The following MUC4 variants were observed in gnomAD, a reference collection of about 807,000 sequenced individuals.
The protein encoded by MUC4 is mucin 4, cell surface associated.
Under a neutral mutation model 257.9 loss-of-function variants are expected in MUC4, and 202 were observed. The ratio of observed to expected loss-of-function variants is 0.78; its 90% confidence interval spans 0.70 to 0.88. MUC4 has a LOEUF of 0.88. Among genes scored for constraint, MUC4 ranks in the 40% least tolerant of loss-of-function variants. The probability of loss-of-function intolerance (pLI) is 0.00; values close to 1 mark genes in which losing one functional copy is unlikely to be tolerated. For missense variants in MUC4, 5,976 were observed against 6,513.7 expected, an observed-to-expected ratio of 0.92 and a Z score of 2.84; for synonymous variants, 2,351 against 2,757.1, an observed-to-expected ratio of 0.85 and a Z score of 4.62.
At chr3:195,762,063 G>A in intron 14 of MUC4, 24 bp downstream of exon 14, 1 of 1,569,392 alleles carries the variant, frequency 6.4e-7, no homozygotes, top group Non-Finnish European at 8.6e-7. Context: ...CGGAGCCTCA[G>A]AGGCAGGTCC....
Position 195,788,875 on chromosome 3 carries a change from G to C in MUC4, c.2705C>G (p.Ala902Gly). 1 of 1,613,852 alleles carries C rather than the reference G, an allele frequency of 6.2e-7. No individual in the cohort carries two copies. Among genetic ancestry groups the C allele is most frequent in the Non-Finnish European group, 8.5e-7 (1 of 1,179,834 alleles). The change falls in exon 2 of 25, where the codon GCC (alanine) becomes GGC (glycine). Residue 902 changes from alanine (A) to glycine (G), a missense_variant. Transcript: ENST00000463781. ...AGTCTGGGCCATCCGGGAAATGGCGGCTGTCTCCTGAGGAGAGGCACTGGG... is the reference window on the plus strand; with the variant it reads ...AGTCTGGGCCATCCGGGAAATGGCGCCTGTCTCCTGAGGAGAGGCACTGGG... ...TSPSASPQET[A>G]AISRMAQTQR...
chr3:195,768,883 A>C, intron 7 of MUC4, 139 bp downstream of exon 7: 2 of 1,125,130 alleles, frequency 1.8e-6, no homozygotes, highest in East Asian at 5.3e-5. Flanking sequence ...CCCCAGCGGG[A>C]GCTGGAGTCA....
At chr3:195,768,379 C>A (rs1296768195) in intron 7 of MUC4, among the ~76,000 whole-genome samples, 1 of 152,232 alleles carries the variant, frequency 6.6e-6, no homozygotes, top group East Asian at 1.9e-4. Flanking sequence ...GAGACAGCCT[C>A]CCACACACGG....
At position 195,746,882 on chromosome 3, in the gene MUC4, A is replaced by C; in HGVS notation, c.*294T>G. 1 of 444,852 alleles carries C rather than the reference A, an allele frequency of 2.2e-6. No individual in the cohort carries two copies. Among genetic ancestry groups the C allele is most frequent in the Non-Finnish European group, 3.9e-6 (1 of 253,484 alleles). The allele number at this position is 444,852 out of a possible 1,614,324, so 27.6% of individuals were successfully genotyped here. On this transcript the variant is annotated 3_prime_UTR_variant, in exon 25 of 25. Coordinates refer to ENST00000463781, the MANE Select transcript of MUC4 (RefSeq NM_018406.7). ...ACTTAGGGCCATCACCACATTATGA[A>C]CTCGTGTGTGTGTGTGTGTGTGTGC... is the stretch of plus-strand genomic sequence containing the variant.
chr3:195,754,853 C>T (rs1374790939), intron 18 of MUC4, among the ~76,000 whole-genome samples: 1 of 150,436 alleles, frequency 6.6e-6, no homozygotes, highest in Non-Finnish European at 1.5e-5. Flanking sequence ...ATGTATGTAT[C>T]CATGTAGATA....
In MUC4 at chr3:195,778,291, G is replaced by A. The variant is rs199497021; in HGVS notation, c.12943+12C>T. On this transcript the variant is annotated intron_variant, in intron 3 of 24. Transcript: ENST00000463781. The stretch of plus-strand genomic sequence containing the variant: ...CCCTCAAAAGGCACAGGCCTCACCT[G>A]TATGGCCTCACCTCTCTCAGGCAGG... The A allele has an allele frequency of 9.7e-4, 1,562 of 1,605,002 alleles. 1 individual carries two copies. The highest frequency in any genetic ancestry group is 1.2e-3 in the Non-Finnish European group (1,425 of 1,176,566).
chr3:195,760,930 G>A lies in MUC4; in HGVS notation c.14802C>T (p.His4934=), dbSNP rs190375384. 6.2e-7 allele frequency: 1 copy of A among 1,614,232 alleles called. No homozygotes were observed. The highest frequency in any genetic ancestry group is 1.1e-5 in the South Asian group (1 of 91,090). ...LALRNASIGL[H]TREVSKNYEQ... is the part of the protein sequence containing the mutation. Reference sequence around the variant, plus strand: ...CGTAGTTTTTACTGACTTCCCTCGTGTGAAGTCCGATGCTTGCGTTGCGCA... The same window carrying A: ...CGTAGTTTTTACTGACTTCCCTCGTATGAAGTCCGATGCTTGCGTTGCGCA... Residue 4934 remains histidine (H), a synonymous_variant, in exon 16 of 25, where the codon CAC becomes CAT. Coordinates refer to ENST00000463781, the MANE Select transcript of MUC4 (RefSeq NM_018406.7).
At chr3:195,766,208 ACCT>A (rs1180457886) in intron 8 of MUC4, among the ~76,000 whole-genome samples, 1 of 152,004 alleles carries the variant, frequency 6.6e-6, no homozygotes, top group Non-Finnish European at 1.5e-5. Context: ...TGATCCGCCC[ACCT>A]CAGCCTCCCA....
chr3:195,762,953 G>A lies in MUC4; in HGVS notation c.14254-8C>T. On this transcript the variant is annotated splice_region_variant and splice_polypyrimidine_tract_variant and intron_variant, in intron 12 of 24. Transcript: ENST00000463781. ...CTCAAGGAGCCATTGGACCTGGAAG[G>A]AGATGGGAGGGGGCCTGAGCCCGAC... 1 of 1,548,574 alleles carries A rather than the reference G, an allele frequency of 6.5e-7. No individual in the cohort carries two copies.
intron 12 of MUC4, 145 bp downstream of exon 12, chr3:195,763,288 G>C (rs549358614): frequency 1.2e-5 from 10 of 850,686 alleles, no homozygotes; most frequent in South Asian, 9.8e-5. Flanking sequence ...GATTTACTCC[G>C]GGACAGCTGC....
chr3:195,775,468 A>G lies in MUC4; in HGVS notation c.12944-1163T>C, dbSNP rs868493735. Among the ~76,000 whole-genome samples the G allele has an allele frequency of 2.6e-3, 132 of 49,832 alleles. 4 individuals carry two copies. The highest frequency in any genetic ancestry group is 0.015 in the African/African-American group (94 of 6,472). 32.7% of individuals were successfully genotyped at this position (49,832 alleles called of 152,430 possible). A position where few individuals can be genotyped will look rare whatever the true frequency, so the allele number is the denominator to read the frequency against. On this transcript the variant is annotated intron_variant, in intron 3 of 24. Transcript: ENST00000463781. The stretch of plus-strand genomic sequence containing the variant: ...TACCTTCCACACCCATACCTTCCAC[A>G]GTCATACCTTCCACACCCATACCTT...
Position 195,766,728 on chromosome 3 carries a change from C to G in MUC4, c.13553G>C (p.Ser4518Thr). Residue 4518 changes from serine to threonine, a missense_variant, in exon 8 of 25, where the codon AGC (serine) becomes ACC (threonine). Ser to Thr is a moderately conservative substitution (Grantham distance 58, BLOSUM62 1). Around this residue, in one of 44 missense-constraint regions of MUC4, gnomAD observed 996 missense variants for 1,137.3 expected, o/e 0.88. Transcript: ENST00000463781. ...CCACACTGGCTGGGACATCAGTGGG[C>G]TGTTTTCGAAATAGCCATCTCCACT... ...FSSGDGYFEN[S>T]PLMSQPVWER... The G allele has an allele frequency of 6.2e-7, 1 of 1,614,174 alleles. No homozygotes were observed. Among genetic ancestry groups the G allele is most frequent in the Non-Finnish European group, 8.5e-7 (1 of 1,180,016 alleles).
chr3:195,751,243 A>G lies in MUC4; in HGVS notation c.15611T>C (p.Met5204Thr). Reference protein sequence around the residue: ...SVAYRLGTLDMRAFLRNSQVE... With the variant: ...SVAYRLGTLDTRAFLRNSQVE... ...TTGGCTGTTGCGGAGAAAGGCCCGC[A>G]TGTCCAGGGTCCCCAGTCTGTATGC... Residue 5204 changes from methionine to threonine, a missense_variant, in exon 22 of 25, where the codon ATG (methionine) becomes ACG (threonine). Met to Thr is a moderately conservative substitution (Grantham distance 81). Transcript: ENST00000463781. 1 of 1,607,622 alleles carries G rather than the reference A, an allele frequency of 6.2e-7. No homozygotes were observed. The highest frequency in any genetic ancestry group is 8.5e-7 in the Non-Finnish European group (1 of 1,177,514).
At chr3:195,801,500 C>T (rs1194293323) in intron 1 of MUC4, among the ~76,000 whole-genome samples, 3 of 152,042 alleles carry the variant, frequency 2.0e-5, no homozygotes, top group Non-Finnish European at 4.4e-5. Flanking sequence ...CTCCGACGTT[C>T]TTTCTGCCTT....
rs772197747 is a variant in MUC4 at position 195,789,126 on chromosome 3, G to T, written c.2454C>A (p.Ser818Arg). 4 of 1,613,612 alleles carry T rather than the reference G, an allele frequency of 2.5e-6. No homozygotes were observed. The highest frequency in any genetic ancestry group is 3.3e-5 in the Admixed American group (2 of 59,990). ...SGASGTTPSGSEGISTSGETT... is the reference protein window; with the variant it reads ...SGASGTTPSGREGISTSGETT... Reference sequence around the variant, plus strand: ...TCTCTCCTGAGGTGGATATTCCTTCGCTTCCTGAAGGTGTTGTGCCACTCG... The same window carrying T: ...TCTCTCCTGAGGTGGATATTCCTTCTCTTCCTGAAGGTGTTGTGCCACTCG... The change falls in exon 2 of 25, where the codon AGC becomes AGA. Residue 818 changes from serine (S) to arginine (R), a missense_variant. Coordinates refer to ENST00000463781, the MANE Select transcript of MUC4 (RefSeq NM_018406.7).
chr3:195,750,984 G>T lies in MUC4; in HGVS notation c.15776C>A (p.Ala5259Glu). The T allele has an allele frequency of 1.2e-6, 2 of 1,613,990 alleles. No homozygotes were observed. Among genetic ancestry groups the T allele is most frequent in the Non-Finnish European group, 8.5e-7 (1 of 1,180,006 alleles). ...CCTCCGTGGAACGTGGTATAAGAACGCCTCCACCACCGCGGCCAGCAGCTG... is the reference window on the plus strand; with the variant it reads ...CCTCCGTGGAACGTGGTATAAGAACTCCTCCACCACCGCGGCCAGCAGCTG... Reference protein sequence around the residue: ...NNQLLAAVVEAFLYHVPRRSE... With the variant: ...NNQLLAAVVEEFLYHVPRRSE... Residue 5259 changes from alanine (A) to glutamate (E), a missense_variant, in exon 23 of 25, where the codon GCG becomes GAG. Physicochemically the swap from Ala to Glu is moderately radical, Grantham distance 107. This residue lies in a region of MUC4 where 310 missense variants were observed against 242.1 expected (regional missense o/e 1.28). Transcript: ENST00000463781.
In MUC4 at chr3:195,778,849, C is replaced by A; in HGVS notation, c.12731G>T (p.Ser4244Ile). Residue 4244 changes from serine (S) to isoleucine (I), a missense_variant, in exon 2 of 25, where the codon AGC becomes ATC. Transcript: ENST00000463781. ...TACTGTGGAAGCTGAGGTAGCACTG[C>A]TGACAGCAAGAGGGGTGGCGTGACC... ...STGHATPLAV[S>I]SATSASTVSS... 1 of 1,607,778 alleles carries A rather than the reference C, an allele frequency of 6.2e-7. No homozygotes were observed. Among genetic ancestry groups the A allele is most frequent in the South Asian group, 1.1e-5 (1 of 90,644 alleles).
At position 195,780,333 on chromosome 3, in the gene MUC4, G is replaced by C; in HGVS notation, c.11247C>G (p.Ser3749Arg). 8.5e-6 allele frequency: 13 copies of C among 1,526,828 alleles called. No homozygotes were observed. Among genetic ancestry groups the C allele is most frequent in the Non-Finnish European group, 1.1e-5 (12 of 1,131,938 alleles). The allele number at this position is 1,526,828 out of a possible 1,614,324, so 94.6% of individuals were successfully genotyped here. The change falls in exon 2 of 25, where the codon AGC (serine) becomes AGG (arginine). Residue 3749 changes from serine (S) to arginine (R), a missense_variant. Ser to Arg is a moderately radical substitution (Grantham distance 110). This residue lies in a region of MUC4 where 330 missense variants were observed against 262.0 expected (regional missense o/e 1.26). Transcript: ENST00000463781. ...TGHVTPLPVTSTSSASTGHAT... is the reference protein window; with the variant it reads ...TGHVTPLPVTRTSSASTGHAT... ...CGTGACCTGTGGATGCTGAGGAAGT[G>C]CTGGTGACAGGAAGAGGGGTGACGT... is the stretch of plus-strand genomic sequence containing the variant.
Position 195,752,567 on chromosome 3 carries a change from CCGGGAGAAG to C in MUC4, c.15509-130_15509-122del, listed in dbSNP as rs879689890. 2.1e-3 allele frequency: 1,756 copies of C among 820,694 alleles called. 10 individuals are homozygous for C. Among genetic ancestry groups the C allele is most frequent in the South Asian group, 2.6e-3 (178 of 67,502 alleles). 50.8% of individuals were successfully genotyped at this position (820,694 alleles called of 1,614,324 possible). On this transcript the variant is annotated intron_variant, in intron 20 of 24. Coordinates refer to ENST00000463781, the MANE Select transcript of MUC4 (RefSeq NM_018406.7). ...CAGTGACAGAAGGTCACTGAAGAAA[CCGGGAGAAG>C]TGGCCCTCACCCTACATTCCACAGT...
Sources: allele counts gnomAD v4.1 joint callset (sites outside exome capture counted in the v4.1 genomes callset), GRCh38; gene constraint gnomAD v4.1.1; regional missense constraint gnomAD v4.1.1; transcripts MANE v1.5; gene names NCBI Gene and HGNC (gene_info 2026-07-23, HGNC 2026-07-21).